LRRTM4: variants seen among roughly 807,000 people sequenced by gnomAD.
LRRTM4 encodes the protein leucine-rich repeat transmembrane neuronal protein 4.
A neutral mutation model predicts 47.6 loss-of-function variants in LRRTM4; 25 were observed. That is an observed-to-expected ratio of 0.53 (90% CI 0.38 to 0.73). The LOEUF is 0.73. Ranked by LOEUF, LRRTM4 falls within the 30% of genes least tolerant of loss-of-function variation. The probability of loss-of-function intolerance (pLI) is 0.00; values close to 1 mark genes in which losing one functional copy is unlikely to be tolerated. For missense variants in LRRTM4, 638 were observed against 713.4 expected (o/e 0.89, Z 1.20); for synonymous variants, 311 against 269.5 (o/e 1.15, Z -1.51).
At chr2:77,127,830 T>A (rs1018980078) in intron 3 of LRRTM4, among the ~76,000 whole-genome samples, 1 of 152,158 alleles carries the variant, frequency 6.6e-6, no homozygotes, top group Non-Finnish European at 1.5e-5. Context: ...GCCCTTAGAT[T>A]CTTAAGCCTC....
chr2:77,140,214 A>C (rs548569683), intron 3 of LRRTM4, among the ~76,000 whole-genome samples: 2 of 152,326 alleles, frequency 1.3e-5, no homozygotes, highest in Admixed American at 6.5e-5. Flanking sequence ...ATGCTACCTG[A>C]CTTCAAACTA....
chr2:77,489,050 A>C (rs11895866), intron 3 of LRRTM4, among the ~76,000 whole-genome samples: 33,835 of 151,496 alleles, frequency 0.22, 4,007 homozygotes, highest in Middle Eastern at 0.32. Context: ...AATAAAATAA[A>C]ATGTCACAAA....
intron 3 of LRRTM4, among the ~76,000 whole-genome samples, chr2:77,227,245 T>C (rs1422492585): frequency 1.3e-5 from 2 of 152,136 alleles, no homozygotes; most frequent in Non-Finnish European, 2.9e-5. Context: ...AACACTTTTA[T>C]GAATTTCCAA....
chr2:76,767,626 G>C (rs1558639451), intron 3 of LRRTM4, among the ~76,000 whole-genome samples: 1 of 152,104 alleles, frequency 6.6e-6, no homozygotes, highest in Non-Finnish European at 1.5e-5. Context: ...CAGATTTTCA[G>C]GGTAGCATTC....
intron 3 of LRRTM4, among the ~76,000 whole-genome samples, chr2:77,158,891 G>A (rs1287828623): frequency 1.3e-5 from 2 of 150,888 alleles, no homozygotes; most frequent in South Asian, 4.2e-4. Context: ...AATTACATAC[G>A]ATATAACAAT....
intron 3 of LRRTM4, among the ~76,000 whole-genome samples, chr2:77,421,074 A>G (rs1674863097): frequency 6.6e-6 from 1 of 151,740 alleles, no homozygotes; most frequent in Non-Finnish European, 1.5e-5. Flanking sequence ...GAGGTATCAA[A>G]GAAATTTAGA....
chr2:77,417,577 T>A (rs1420214897), intron 3 of LRRTM4, among the ~76,000 whole-genome samples: 1 of 151,996 alleles, frequency 6.6e-6, no homozygotes, highest in Admixed American at 6.6e-5. Context: ...ATATGATGAG[T>A]TCATGTCCTT....
chr2:77,049,832 T>G (rs1171504175), intron 3 of LRRTM4, among the ~76,000 whole-genome samples: 1 of 152,098 alleles, frequency 6.6e-6, no homozygotes, highest in Non-Finnish European at 1.5e-5. Context: ...TTGTTGCCTG[T>G]GCTTTTTGAG....
chr2:76,902,490 C>A (rs759490244), intron 3 of LRRTM4, among the ~76,000 whole-genome samples: 1 of 152,028 alleles, frequency 6.6e-6, no homozygotes, highest in African/African-American at 2.4e-5. Flanking sequence ...AGGAAAAGAA[C>A]GTGAGCCATG....
intron 3 of LRRTM4, among the ~76,000 whole-genome samples, chr2:77,262,120 G>C (rs537942222): frequency 1.2e-4 from 19 of 152,110 alleles, no homozygotes; most frequent in Non-Finnish European, 2.4e-4. Context: ...TAATCTGTCA[G>C]TGTCTCCCAT....
intron 3 of LRRTM4, among the ~76,000 whole-genome samples, chr2:76,832,391 G>A (rs1671379345): frequency 6.7e-6 from 1 of 150,026 alleles, no homozygotes; most frequent in Admixed American, 6.6e-5. Context: ...CAAGTGAACT[G>A]CACATGCTGT....
intron 3 of LRRTM4, among the ~76,000 whole-genome samples, chr2:77,076,497 C>A (rs191344347): frequency 6.6e-6 from 1 of 152,176 alleles, no homozygotes; most frequent in South Asian, 2.1e-4. Context: ...ATTACAGTAA[C>A]AACTGTCACG....
chr2:76,996,921 C>T (rs1368556962), intron 3 of LRRTM4, among the ~76,000 whole-genome samples: 2 of 152,074 alleles, frequency 1.3e-5, no homozygotes, highest in African/African-American at 2.4e-5. Flanking sequence ...TGTTTCTATA[C>T]ATACAGGAAA....
intron 3 of LRRTM4, among the ~76,000 whole-genome samples, chr2:77,038,674 C>T (rs1678923765): frequency 6.6e-6 from 1 of 151,470 alleles, no homozygotes; most frequent in African/African-American, 2.4e-5. Flanking sequence ...GTTTTAGTCT[C>T]CTTCTGCCAT....
intron 3 of LRRTM4, among the ~76,000 whole-genome samples, chr2:77,430,588 G>T (rs1675330582): frequency 6.6e-6 from 1 of 150,406 alleles, no homozygotes; most frequent in Non-Finnish European, 1.5e-5. Context: ...GGGCGTGGTG[G>T]CACATGCCTG....
chr2:77,506,793 C>A (rs1457237011), intron 3 of LRRTM4, among the ~76,000 whole-genome samples: 1 of 151,762 alleles, frequency 6.6e-6, no homozygotes, highest in Non-Finnish European at 1.5e-5. Context: ...GTGAAATGAA[C>A]CATCGCAAAT....
intron 3 of LRRTM4, among the ~76,000 whole-genome samples, chr2:76,757,951 A>G (rs1673115078): frequency 6.6e-6 from 1 of 152,178 alleles, no homozygotes; most frequent in Admixed American, 6.6e-5. Context: ...AAAGGAAATG[A>G]AAGCAGGAAT....
At chr2:77,039,249 C>T (rs1678945189) in intron 3 of LRRTM4, among the ~76,000 whole-genome samples, 1 of 150,822 alleles carries the variant, frequency 6.6e-6, no homozygotes, top group Admixed American at 6.6e-5. Flanking sequence ...CTCTTAGATA[C>T]AGGCTGTAAG....
At chr2:76,780,867 G>T (rs1272243438) in intron 3 of LRRTM4, among the ~76,000 whole-genome samples, 1 of 149,736 alleles carries the variant, frequency 6.7e-6, no homozygotes, top group Non-Finnish European at 1.5e-5. Flanking sequence ...TTTCTGTTCT[G>T]TTTTTTCCCC....
Sources: allele counts gnomAD v4.1 joint callset (sites outside exome capture counted in the v4.1 genomes callset), GRCh38; gene constraint gnomAD v4.1.1; transcripts MANE v1.5; gene names NCBI Gene and HGNC (gene_info 2026-07-23, HGNC 2026-07-21).